The following GLG1 variants were observed in gnomAD, a reference collection of about 807,000 sequenced individuals.
GLG1 encodes the protein golgi glycoprotein 1.
GLG1 carries 38 observed loss-of-function variants against 160.5 expected under a neutral mutation model. That is an observed-to-expected ratio of 0.24 (90% confidence interval 0.18 to 0.31). GLG1 has a LOEUF of 0.31. Ranked by LOEUF, GLG1 falls within the 10% of genes least tolerant of loss-of-function variation. GLG1 has a pLI of 1.00. For synonymous variants in GLG1, 644 were observed against 543.4 expected (o/e 1.19, Z -2.57); for missense variants, 1,373 against 1,505.2 (o/e 0.91, Z 1.45).
In GLG1 at chr16:74,581,098, T is replaced by C. The variant is rs182949947; in HGVS notation, c.438+25559A>G. ...AACAGTATGCCCTAACCTCAAAAAC[T>C]TAAAAATAGAATTGCCATATGACCT... On this transcript the variant is annotated intron_variant, in intron 1 of 25. Transcript: ENST00000422840. Among the ~76,000 whole-genome samples, 193 of 152,214 alleles carry C rather than the reference T, an allele frequency of 1.3e-3. 1 individual carries two copies. Among genetic ancestry groups the C allele is most frequent in the Admixed American group, 2.5e-3 (38 of 15,270 alleles).
chr16:74,503,448 A>C, intron 4 of GLG1, 83 bp downstream of exon 4: 1 of 924,136 alleles, frequency 1.1e-6, no homozygotes, highest in Non-Finnish European at 1.8e-6. Context: ...CCAGTCCTAA[A>C]TTTTTCCCAT....
chr16:74,492,839 A>AT, intron 7 of GLG1, 118 bp downstream of exon 7: 1 of 531,698 alleles, frequency 1.9e-6, no homozygotes, highest in Non-Finnish European at 3.0e-6. Flanking sequence ...AAAAAAAAAA[A>AT]GAAAAATACT....
At chr16:74,482,439 G>A (rs111428428) in intron 10 of GLG1, among the ~76,000 whole-genome samples, 4,186 of 152,232 alleles carry the variant, frequency 0.027, 50 homozygotes, top group Non-Finnish European at 0.044. Context: ...AGCAAGATGC[G>A]GAAAGAGGAG....
intron 1 of GLG1, among the ~76,000 whole-genome samples, chr16:74,586,899 T>A (rs1958065901): frequency 6.6e-6 from 1 of 152,028 alleles, no homozygotes; most frequent in Non-Finnish European, 1.5e-5. Flanking sequence ...TTTCACCATG[T>A]TCGTCAGTCT....
rs903661047 is a variant in GLG1, at chr16:74,457,857, T to C, written c.3265+17A>G. 9 of 1,612,286 alleles carry C rather than the reference T, an allele frequency of 5.6e-6. No individual in the cohort carries two copies. Among genetic ancestry groups the C allele is most frequent in the Non-Finnish European group, 5.9e-6 (7 of 1,179,036 alleles). On this transcript the variant is annotated intron_variant, in intron 24 of 25. Coordinates refer to ENST00000422840, the MANE Select transcript of GLG1 (RefSeq NM_001145667.2). ...AAGAGAGTTCAGACAGGATCAAGAGTGAACACAGAGACTTACGACGCCCGC... is the reference window on the plus strand; with the variant it reads ...AAGAGAGTTCAGACAGGATCAAGAGCGAACACAGAGACTTACGACGCCCGC...
chr16:74,549,922 T>C (rs1005451547), intron 1 of GLG1, among the ~76,000 whole-genome samples: 2 of 151,644 alleles, frequency 1.3e-5, no homozygotes, highest in African/African-American at 4.8e-5. Flanking sequence ...AAGACCAGCC[T>C]GGGCAACATA....
At chr16:74,570,708 C>A (rs1224275972) in intron 1 of GLG1, among the ~76,000 whole-genome samples, 1 of 152,108 alleles carries the variant, frequency 6.6e-6, no homozygotes, top group Non-Finnish European at 1.5e-5. Context: ...CCAGCTTGGT[C>A]AACATAGTGG....
chr16:74,473,381 T>C (rs529980393), intron 13 of GLG1, among the ~76,000 whole-genome samples: 7 of 151,700 alleles, frequency 4.6e-5, no homozygotes, highest in Non-Finnish European at 1.0e-4. Flanking sequence ...GCCCAGCTAA[T>C]TTTTGTATTT....
chr16:74,455,840 T>G (rs758314852), intron 25 of GLG1, among the ~76,000 whole-genome samples: 3 of 152,228 alleles, frequency 2.0e-5, no homozygotes, highest in Non-Finnish European at 2.9e-5. Context: ...ACAGTCATTA[T>G]ACTTACCTCA....
intron 1 of GLG1, among the ~76,000 whole-genome samples, chr16:74,560,576 G>C (rs2018484436): frequency 6.6e-6 from 1 of 152,158 alleles, no homozygotes; most frequent in East Asian, 1.9e-4. Flanking sequence ...CTGACCTCAG[G>C]TGATCTGCCT....
chr16:74,548,629 CT>C, intron 1 of GLG1, among the ~76,000 whole-genome samples: 1 of 148,850 alleles, frequency 6.7e-6, no homozygotes, highest in South Asian at 2.2e-4. Context: ...TTTTTCAGGA[CT>C]TTTAGCCTCA....
chr16:74,490,289 G>C (rs1350388821), intron 8 of GLG1, among the ~76,000 whole-genome samples: 3 of 152,146 alleles, frequency 2.0e-5, no homozygotes, highest in Admixed American at 1.3e-4. Flanking sequence ...GCTAGATCAA[G>C]AAGAACTTTA....
At chr16:74,497,419 A>T (rs1459441923) in intron 4 of GLG1, among the ~76,000 whole-genome samples, 1 of 151,024 alleles carries the variant, frequency 6.6e-6, no homozygotes, top group Non-Finnish European at 1.5e-5. Context: ...GGCATTTCCC[A>T]AATAACAGTG....
intron 1 of GLG1, among the ~76,000 whole-genome samples, chr16:74,585,930 G>A (rs988743724): frequency 3.3e-5 from 5 of 151,408 alleles, no homozygotes; most frequent in African/African-American, 9.7e-5. Flanking sequence ...AGGTGTAGTG[G>A]CGGGTGCCTG....
rs1567446623 is a variant in GLG1, at chr16:74,449,280, C to G, written c.*3887G>C. 6.6e-6 allele frequency: 1 copy of G among 152,128 alleles called. No homozygotes were observed. Among genetic ancestry groups the G allele is most frequent in the South Asian group, 2.1e-4 (1 of 4,820 alleles). 9.4% of individuals were successfully genotyped at this position (152,128 alleles called of 1,614,324 possible). ...GAAGGGAAGGCCTCTTTTCAGTGGC[C>G]TCTCCCCAGATGACTCACTATAGTA... On this transcript the variant is annotated 3_prime_UTR_variant, in exon 26 of 26. Coordinates refer to ENST00000422840, the MANE Select transcript of GLG1 (RefSeq NM_001145667.2).
At chr16:74,564,646 A>G (rs933740106) in intron 1 of GLG1, among the ~76,000 whole-genome samples, 1 of 152,184 alleles carries the variant, frequency 6.6e-6, no homozygotes, top group Non-Finnish European at 1.5e-5. Flanking sequence ...AGTTTCAGTA[A>G]CACTCACACC....
At chr16:74,525,369 T>C (rs1450416710) in intron 2 of GLG1, among the ~76,000 whole-genome samples, 1 of 152,170 alleles carries the variant, frequency 6.6e-6, no homozygotes, top group Non-Finnish European at 1.5e-5. Flanking sequence ...AGGATACACA[T>C]TTCCTTTTTT....
Position 74,454,535 on chromosome 16 carries a change from G to A in GLG1, c.3373-1201C>T, listed in dbSNP as rs146518192. Among the ~76,000 whole-genome samples, 1,076 of 151,276 alleles carry A rather than the reference G, an allele frequency of 7.1e-3. 11 individuals are homozygous for A. Among genetic ancestry groups the A allele is most frequent in the African/African-American group, 0.025 (1,022 of 41,272 alleles). ...ACAAAAGTTAGCTGGGCGTGGTGGCGCTCGCCTGCAATCCCAGCTACTGGG... is the reference window on the plus strand; with the variant it reads ...ACAAAAGTTAGCTGGGCGTGGTGGCACTCGCCTGCAATCCCAGCTACTGGG... On this transcript the variant is annotated intron_variant, in intron 25 of 25. Transcript: ENST00000422840.
intron 23 of GLG1, among the ~76,000 whole-genome samples, chr16:74,459,460 G>T (rs187156370): frequency 6.6e-6 from 1 of 152,170 alleles, no homozygotes; most frequent in Non-Finnish European, 1.5e-5. Context: ...GCAACAGAGC[G>T]AGACTCCGTC....
Sources: allele counts gnomAD v4.1 joint callset (sites outside exome capture counted in the v4.1 genomes callset), GRCh38; gene constraint gnomAD v4.1.1; transcripts MANE v1.5; gene names NCBI Gene and HGNC (gene_info 2026-07-23, HGNC 2026-07-21).